The following SLC4A10 variants were observed in gnomAD, a reference collection of about 807,000 sequenced individuals.
SLC4A10 encodes the protein solute carrier family 4 member 10, also known as sodium-driven chloride bicarbonate exchanger.
In SLC4A10, 42 loss-of-function variants were observed where a neutral mutation model predicts 137.7. That is an observed-to-expected ratio of 0.30 (90% CI 0.24 to 0.39). The LOEUF (loss-of-function observed/expected upper bound fraction) is 0.39, where lower values mean the gene tolerates loss of function less well. Ranked by LOEUF, SLC4A10 falls within the 10% of genes least tolerant of loss-of-function variation. The pLI, the probability that SLC4A10 is intolerant of heterozygous loss-of-function variation, is 1.00. For synonymous variants in SLC4A10, 474 were observed against 464.1 expected, an observed-to-expected ratio of 1.02 and a Z score of -0.27; for missense variants, 925 against 1,355.0, an observed-to-expected ratio of 0.68 and a Z score of 4.98.
intron 26 of SLC4A10, among the ~76,000 whole-genome samples, chr2:161,982,632 A>C (rs553041253): frequency 3.9e-4 from 60 of 152,324 alleles, no homozygotes; most frequent in African/African-American, 1.4e-3. Flanking sequence ...AAGAGATAGC[A>C]CAGGTGTCTG....
At chr2:161,770,765 A>T (rs1166925704) in intron 1 of SLC4A10, among the ~76,000 whole-genome samples, 2 of 151,906 alleles carry the variant, frequency 1.3e-5, no homozygotes, top group African/African-American at 4.8e-5. Context: ...GTTATAAAAA[A>T]CCAGATGATA....
chr2:161,660,083 T>C (rs941060484), intron 1 of SLC4A10, among the ~76,000 whole-genome samples: 5 of 152,100 alleles, frequency 3.3e-5, no homozygotes, highest in African/African-American at 1.2e-4. Flanking sequence ...GTTCTAAAAT[T>C]GATTATAGTG....
Position 161,965,134 on chromosome 2 carries a change from C to A in SLC4A10, c.3120C>A (p.Pro1040=), listed in dbSNP as rs61748243. The part of the protein sequence containing the change: ...RELSWLDDLM[P]ESKKKKLEDA... Reference sequence around the variant, plus strand: ...TCAGCTGGTTGGATGATTTGATGCCCGAGAGTAAGAAAAAGAAACTGGAAG... The same window carrying A: ...TCAGCTGGTTGGATGATTTGATGCCAGAGAGTAAGAAAAAGAAACTGGAAG... The change falls in exon 23 of 27, where the codon CCC becomes CCA. Residue 1040 remains proline, a synonymous_variant. Transcript: ENST00000446997. 1 of 1,609,576 alleles carries A rather than the reference C, an allele frequency of 6.2e-7. No homozygotes were observed. Among genetic ancestry groups the A allele is most frequent in the African/African-American group, 1.3e-5 (1 of 74,576 alleles).
At chr2:161,892,417 T>TA (rs557788119) in intron 10 of SLC4A10, among the ~76,000 whole-genome samples, 311 of 151,964 alleles carry the variant, frequency 2.0e-3, no homozygotes, top group African/African-American at 7.2e-3. Context: ...TTTTTAATAT[T>TA]AAAAAAAATC....
At chr2:161,804,411 AT>A (rs1303213576) in intron 2 of SLC4A10, 37 bp from the exon 3 acceptor site, 3 of 1,595,818 alleles carry the variant, frequency 1.9e-6, no homozygotes, top group Non-Finnish European at 1.7e-6. Context: ...CCCTGGAATA[AT>A]TCAGAGTTTA....
Position 161,896,195 on chromosome 2 carries a change from G to C in SLC4A10, c.1341+1370G>C, listed in dbSNP as rs1267270467. Among the ~76,000 whole-genome samples, 642 of 151,908 alleles carry C rather than the reference G, an allele frequency of 4.2e-3. 2 individuals are homozygous for C. Among genetic ancestry groups the C allele is most frequent in the African/African-American group, 0.015 (610 of 41,466 alleles). ...AATCCTTTCCCCATTGCTTGTTTTT[G>C]TCAGGTTTGTCAAAGATCAGATAGT... On this transcript the variant is annotated intron_variant, in intron 11 of 26. Transcript: ENST00000446997.
chr2:161,726,966 A>AAAGTT (rs1304900306), intron 1 of SLC4A10, among the ~76,000 whole-genome samples: 4 of 152,246 alleles, frequency 2.6e-5, no homozygotes, highest in African/African-American at 9.6e-5. Flanking sequence ...TATTGGATTA[A>AAAGTT]AAGTTAATCA....
intron 1 of SLC4A10, among the ~76,000 whole-genome samples, chr2:161,761,525 A>G (rs1261120808): frequency 6.6e-6 from 1 of 152,096 alleles, no homozygotes; most frequent in Non-Finnish European, 1.5e-5. Flanking sequence ...TGGAGGCTCC[A>G]GAAGGACCCT....
chr2:161,903,068 G>A (rs1683481545), intron 12 of SLC4A10, among the ~76,000 whole-genome samples: 1 of 151,988 alleles, frequency 6.6e-6, no homozygotes, highest in African/African-American at 2.4e-5. Context: ...TGTTAAGTCT[G>A]CGTATTGTTA....
At position 161,960,659 on chromosome 2, in the gene SLC4A10, G is replaced by A. The variant is rs550873006; in HGVS notation, c.2862+2104G>A. ...TACTTGAACCCGGGAGGTGAAGATCGCATTGAGCCGAGATCATGCTACTGC... is the reference window on the plus strand; with the variant it reads ...TACTTGAACCCGGGAGGTGAAGATCACATTGAGCCGAGATCATGCTACTGC... On this transcript the variant is annotated intron_variant, in intron 21 of 26. Coordinates refer to ENST00000446997, the MANE Select transcript of SLC4A10 (RefSeq NM_001178015.2). 1.1e-4 allele frequency among the ~76,000 whole-genome samples: 16 copies of A among 150,956 alleles called. No individual in the cohort carries two copies. In the East Asian group the frequency reaches 2.4e-3, roughly 22 times the overall value.
At chr2:161,871,932 A>G (rs1435429696) in intron 6 of SLC4A10, among the ~76,000 whole-genome samples, 1 of 152,124 alleles carries the variant, frequency 6.6e-6, no homozygotes, top group African/African-American at 2.4e-5. Context: ...TTACATCTTA[A>G]CAGATGTCTA....
intron 1 of SLC4A10, among the ~76,000 whole-genome samples, chr2:161,668,231 T>C (rs1385544722): frequency 6.6e-6 from 1 of 151,680 alleles, no homozygotes; most frequent in Non-Finnish European, 1.5e-5. Flanking sequence ...TAAATGCAGC[T>C]AAAGGGGAGA....
chr2:161,893,018 C>T (rs1158413313), intron 10 of SLC4A10, among the ~76,000 whole-genome samples: 1 of 152,030 alleles, frequency 6.6e-6, no homozygotes. Context: ...GCCCCCTGTG[C>T]TTATAGAAGC....
At chr2:161,666,321 T>A (rs915252895) in intron 1 of SLC4A10, among the ~76,000 whole-genome samples, 2 of 151,728 alleles carry the variant, frequency 1.3e-5, no homozygotes, top group Non-Finnish European at 1.5e-5. Flanking sequence ...GTTCCTTTGG[T>A]ATGTGTTTCT....
rs1342401478 is a variant in SLC4A10, at chr2:161,984,547, G to A, written c.*1395G>A. 6.6e-6 allele frequency: 1 copy of A among 151,976 alleles called. No homozygotes were observed. The highest frequency in any genetic ancestry group is 1.9e-4 in the East Asian group (1 of 5,192). The allele number at this position is 151,976 out of a possible 1,614,324, so 9.4% of individuals were successfully genotyped here. A position where few individuals can be genotyped will look rare whatever the true frequency, so the allele number is the denominator to read the frequency against. ...CACACCGTTAATTATGTACTCTGTT[G>A]GAAGTGCACATGAAAAGTGAAGAAA... On this transcript the variant is annotated 3_prime_UTR_variant, in exon 27 of 27. Transcript: ENST00000446997.
At chr2:161,753,090 C>T (rs953176382) in intron 1 of SLC4A10, among the ~76,000 whole-genome samples, 1 of 151,918 alleles carries the variant, frequency 6.6e-6, no homozygotes. Flanking sequence ...AAGTATTTCT[C>T]CTATGCAGAG....
At chr2:161,658,117 A>G (rs143401579) in intron 1 of SLC4A10, among the ~76,000 whole-genome samples, 2 of 152,170 alleles carry the variant, frequency 1.3e-5, no homozygotes, top group Non-Finnish European at 2.9e-5. Context: ...TTGTTAATTT[A>G]GGAGATAGTC....
chr2:161,732,740 A>C (rs1197763474), intron 1 of SLC4A10, among the ~76,000 whole-genome samples: 1 of 152,186 alleles, frequency 6.6e-6, no homozygotes, highest in African/African-American at 2.4e-5. Context: ...GCAAGTTTGG[A>C]ACTTCCTAGA....
chr2:161,862,306 A>C (rs1036961539), intron 5 of SLC4A10, among the ~76,000 whole-genome samples: 2 of 152,200 alleles, frequency 1.3e-5, no homozygotes, highest in African/African-American at 2.4e-5. Flanking sequence ...TTTACTCTCC[A>C]AATTCAGTAA....
Sources: allele counts gnomAD v4.1 joint callset (sites outside exome capture counted in the v4.1 genomes callset), GRCh38; gene constraint gnomAD v4.1.1; transcripts MANE v1.5; gene names NCBI Gene and HGNC (gene_info 2026-07-23, HGNC 2026-07-21).